Variants in FAM13A observed in about 807,000 individuals in gnomAD.
FAM13A encodes protein FAM13A.
A neutral mutation model predicts 129.6 loss-of-function variants in FAM13A; 76 were observed. The ratio of observed to expected loss-of-function variants is 0.59; its 90% CI spans 0.49 to 0.71. The LOEUF is 0.71. Ranked by LOEUF, FAM13A falls within the 30% of genes least tolerant of loss-of-function variation. The pLI is 0.00. For missense variants in FAM13A, 1,108 were observed against 1,249.3 expected (o/e 0.89, Z 1.70); for synonymous variants, 443 against 449.9 (o/e 0.98, Z 0.20).
chr4:88,816,620 C>A (rs756523701), intron 7 of FAM13A, among the ~76,000 whole-genome samples: 4 of 152,114 alleles, frequency 2.6e-5, no homozygotes, highest in Non-Finnish European at 5.9e-5. Flanking sequence ...TGCCAGTTAG[C>A]TAGTTTTTAT....
chr4:88,743,846 A>T (rs1401707882), intron 19 of FAM13A, among the ~76,000 whole-genome samples: 1 of 152,226 alleles, frequency 6.6e-6, no homozygotes, highest in African/African-American at 2.4e-5. Flanking sequence ...ATTATGTCAT[A>T]GACAAACTAT....
At chr4:88,989,127 G>A (rs1464976964) in intron 4 of FAM13A, among the ~76,000 whole-genome samples, 1 of 151,796 alleles carries the variant, frequency 6.6e-6, no homozygotes, top group Non-Finnish European at 1.5e-5. Context: ...AGAATCGCAT[G>A]AACCCAGGAG....
In FAM13A at chr4:88,992,964, A is replaced by C. The variant is rs1763096750; in HGVS notation, c.428-1814T>G. On this transcript the variant is annotated intron_variant, in intron 3 of 23. Coordinates refer to ENST00000264344, the MANE Select transcript of FAM13A (RefSeq NM_014883.4). The stretch of plus-strand genomic sequence containing the variant: ...AGGGAAATGAGATACAAAATCAGAG[A>C]ATTAATCAGTGTTACAAAGCACCTG... Among the ~76,000 whole-genome samples the C allele has an allele frequency of 2.0e-5, 3 of 152,308 alleles. No homozygotes were observed. The East Asian group carries it at 5.8e-4, about 29-fold the overall frequency.
intron 6 of FAM13A, among the ~76,000 whole-genome samples, chr4:88,898,622 G>A (rs1262738608): frequency 3.3e-5 from 5 of 151,744 alleles, no homozygotes; most frequent in African/African-American, 1.2e-4. Flanking sequence ...ATTTTTTTTA[G>A]TAACTTCCTA....
intron 4 of FAM13A, among the ~76,000 whole-genome samples, chr4:88,967,344 A>G (rs1759485660): frequency 6.6e-6 from 1 of 152,224 alleles, no homozygotes; most frequent in Non-Finnish European, 1.5e-5. Context: ...TTAAAGAGTC[A>G]GTGAATGAAT....
chr4:88,910,588 C>T lies in FAM13A; in HGVS notation c.760-4126G>A, dbSNP rs553682629. 1.4e-4 allele frequency among the ~76,000 whole-genome samples: 21 copies of T among 152,116 alleles called. 1 individual carries two copies. The highest frequency in any genetic ancestry group is 3.4e-3 in the Middle Eastern group (1 of 294). ...TCTTCCACTTGTTTCTCTCTATCCC[C>T]TACCCTATTTTATGTTTCCCCATAG... On this transcript the variant is annotated intron_variant, in intron 5 of 23. Coordinates refer to ENST00000264344, the MANE Select transcript of FAM13A (RefSeq NM_014883.4).
chr4:89,013,512 A>C (rs1766023470), intron 3 of FAM13A, among the ~76,000 whole-genome samples: 1 of 152,112 alleles, frequency 6.6e-6, no homozygotes, highest in Non-Finnish European at 1.5e-5. Context: ...TGCACTGCAC[A>C]ATGATGTTTT....
intron 11 of FAM13A, among the ~76,000 whole-genome samples, chr4:88,775,995 C>G (rs1721632267): frequency 6.6e-6 from 1 of 152,158 alleles, no homozygotes; most frequent in South Asian, 2.1e-4. Flanking sequence ...GATTACAAGA[C>G]CTATTCTCCT....
intron 6 of FAM13A, 62 bp downstream of exon 6, chr4:88,906,317 C>T (rs1748153844): frequency 2.6e-6 from 3 of 1,162,026 alleles, no homozygotes; most frequent in Non-Finnish European, 3.8e-6. Flanking sequence ...ACAAAAACAA[C>T]AAAAAACAAA....
intron 4 of FAM13A, among the ~76,000 whole-genome samples, chr4:88,964,188 A>G (rs1270490997): frequency 6.6e-6 from 1 of 152,224 alleles, no homozygotes; most frequent in Admixed American, 6.5e-5. Flanking sequence ...CTTAATGTAT[A>G]TGTAAACAGC....
intron 14 of FAM13A, 98 bp from the exon 15 acceptor site, chr4:88,750,735 G>A (rs1742409213): frequency 1.2e-6 from 1 of 857,272 alleles, no homozygotes; most frequent in African/African-American, 1.7e-5. Context: ...GATGCTTTAG[G>A]AAGCTGCCCA....
At chr4:88,982,359 AT>A (rs1761752860) in intron 4 of FAM13A, among the ~76,000 whole-genome samples, 1 of 152,240 alleles carries the variant, frequency 6.6e-6, no homozygotes, top group African/African-American at 2.4e-5. Context: ...ATAAAACCTG[AT>A]CTTTCCCTTA....
At chr4:88,896,802 C>A (rs1019709589) in intron 6 of FAM13A, among the ~76,000 whole-genome samples, 3 of 152,158 alleles carry the variant, frequency 2.0e-5, no homozygotes, top group Non-Finnish European at 4.4e-5. Context: ...CCGAAACTAT[C>A]GTGTGCTTAT....
At chr4:88,951,886 T>C (rs1026485970) in intron 4 of FAM13A, among the ~76,000 whole-genome samples, 1 of 152,236 alleles carries the variant, frequency 6.6e-6, no homozygotes. Flanking sequence ...ACTCATCTTA[T>C]ATTTCCAACA....
At chr4:88,976,719 C>T (rs79129758) in intron 4 of FAM13A, among the ~76,000 whole-genome samples, 8 of 16,818 alleles carry the variant, frequency 4.8e-4, no homozygotes, top group Non-Finnish European at 7.6e-4. Flanking sequence ...TCACCACTCA[C>T]TCACTGACTC....
intron 3 of FAM13A, among the ~76,000 whole-genome samples, chr4:89,001,126 A>G (rs1764194416): frequency 6.6e-6 from 1 of 152,366 alleles, no homozygotes; most frequent in Admixed American, 6.5e-5. Flanking sequence ...TAAAGAAAAG[A>G]TCATCTAGTT....
chr4:89,041,475 T>C (rs1440678678), intron 1 of FAM13A, among the ~76,000 whole-genome samples: 2 of 152,172 alleles, frequency 1.3e-5, no homozygotes, highest in Non-Finnish European at 2.9e-5. Context: ...CAGTAGGATA[T>C]AAATAACTCC....
chr4:88,892,702 G>C (rs964280169), intron 6 of FAM13A, among the ~76,000 whole-genome samples: 1 of 152,064 alleles, frequency 6.6e-6, no homozygotes, highest in African/African-American at 2.4e-5. Flanking sequence ...GTAAGTCAAG[G>C]AGGCATGCTA....
chr4:88,964,010 C>T (rs763534507), intron 4 of FAM13A, among the ~76,000 whole-genome samples: 3 of 152,178 alleles, frequency 2.0e-5, no homozygotes, highest in Non-Finnish European at 1.5e-5. Flanking sequence ...AACAACTCCC[C>T]ATGCGCCAAA....
Sources: gnomAD v4.1 joint callset for allele counts (sites outside exome capture counted in the v4.1 genomes callset) on GRCh38, gnomAD v4.1.1 for gene constraint, MANE v1.5 for transcripts, NCBI Gene and HGNC (gene_info 2026-07-23, HGNC 2026-07-21) for gene names.